ABI3BP: variants seen among roughly 807,000 people sequenced by gnomAD.
ABI3BP encodes the protein target of Nesh-SH3.
ABI3BP carries 216 observed loss-of-function variants against 268.6 expected under a neutral mutation model. The observed-to-expected ratio is 0.80, with a 90% CI of 0.72 to 0.90. The LOEUF (loss-of-function observed/expected upper bound fraction) is 0.90. ABI3BP is among the 40% of genes least tolerant of loss of function. The probability of loss-of-function intolerance (pLI) is 0.00; values close to 1 mark genes in which losing one functional copy is unlikely to be tolerated. For synonymous variants in ABI3BP, 730 were observed against 730.0 expected (o/e 1.00, Z 0.00); for missense variants, 2,090 against 2,182.4 (o/e 0.96, Z 0.84).
chr3:100,754,776 A>T (rs976947506), intron 63 of ABI3BP, 85 bp from the exon 64 acceptor site: 1 of 1,060,136 alleles, frequency 9.4e-7, no homozygotes. Flanking sequence ...GACATCCACT[A>T]TACTGACATC....
intron 15 of ABI3BP, among the ~76,000 whole-genome samples, chr3:100,851,251 C>A (rs551135716): frequency 6.6e-6 from 1 of 152,330 alleles, no homozygotes; most frequent in East Asian, 1.9e-4. Context: ...AGGTAACTCA[C>A]TATAGATGGG....
At chr3:100,912,748 T>C (rs988689419) in intron 2 of ABI3BP, among the ~76,000 whole-genome samples, 1 of 152,202 alleles carries the variant, frequency 6.6e-6, no homozygotes, top group African/African-American at 2.4e-5. Context: ...GAGTAACGTA[T>C]ACCTGAAAAA....
intron 2 of ABI3BP, among the ~76,000 whole-genome samples, chr3:100,920,691 G>A (rs2059963324): frequency 6.6e-6 from 1 of 152,122 alleles, no homozygotes; most frequent in East Asian, 1.9e-4. Flanking sequence ...AAAGTGCTGG[G>A]ATTACAGGCA....
At chr3:100,883,921 T>G (rs1046120148) in intron 6 of ABI3BP, among the ~76,000 whole-genome samples, 1 of 152,048 alleles carries the variant, frequency 6.6e-6, no homozygotes, top group African/African-American at 2.4e-5. Flanking sequence ...AATTGGAAAC[T>G]TATAATCATG....
chr3:100,750,519 C>A lies in ABI3BP; in HGVS notation c.5337G>T (p.Gly1779=). ...QINYVQWYEC[G]TTIPGKW is the part of the protein sequence containing the mutation. ...TCTACCATTTTCCAGGAATTGTAGTCCCACATTCATACCACTGAACATAAT... is the reference window on the plus strand; with the variant it reads ...TCTACCATTTTCCAGGAATTGTAGTACCACATTCATACCACTGAACATAAT... The change falls in exon 68 of 68, where the codon GGG becomes GGT. Residue 1779 remains glycine, a synonymous_variant. Transcript: ENST00000471714. 6.2e-7 allele frequency: 1 copy of A among 1,612,644 alleles called. No homozygotes were observed. The highest frequency in any genetic ancestry group is 1.1e-5 in the South Asian group (1 of 90,932).
intron 55 of ABI3BP, among the ~76,000 whole-genome samples, chr3:100,791,309 A>G (rs1393677904): frequency 6.6e-6 from 1 of 151,872 alleles, no homozygotes; most frequent in Non-Finnish European, 1.5e-5. Context: ...CGAGGAAAGA[A>G]CAGGCCTGTG....
chr3:100,778,688 ATTTTT>A, intron 58 of ABI3BP: 1 of 271,438 alleles, frequency 3.7e-6, no homozygotes, highest in Non-Finnish European at 6.8e-6. Context: ...TGGATGGAAA[ATTTTT>A]TTAAAAACCA....
intron 52 of ABI3BP, 142 bp downstream of exon 52, chr3:100,796,267 C>T (rs978446797): frequency 8.0e-6 from 5 of 622,322 alleles, no homozygotes; most frequent in South Asian, 2.8e-5. Flanking sequence ...ATTCAATTTA[C>T]CCACAAGAAA....
intron 56 of ABI3BP, 122 bp from the exon 57 acceptor site, chr3:100,787,924 A>G (rs1360226387): frequency 5.2e-6 from 3 of 571,868 alleles, no homozygotes; most frequent in Middle Eastern, 3.8e-4. Context: ...TACCAAAAAT[A>G]TTATTCAGAA....
intron 21 of ABI3BP, 60 bp downstream of exon 21, chr3:100,841,938 G>T: frequency 1.5e-5 from 18 of 1,218,288 alleles, no homozygotes; most frequent in Non-Finnish European, 2.0e-5. Flanking sequence ...GCTGAACAAA[G>T]TTGAACATGG....
At chr3:100,959,372 C>A (rs2078044988) in intron 1 of ABI3BP, among the ~76,000 whole-genome samples, 1 of 151,056 alleles carries the variant, frequency 6.6e-6, no homozygotes, top group Non-Finnish European at 1.5e-5. Flanking sequence ...CGCCTGTAGT[C>A]CCAGCTACTC....
intron 57 of ABI3BP, among the ~76,000 whole-genome samples, chr3:100,784,115 G>A (rs999636347): frequency 6.6e-6 from 1 of 152,326 alleles, no homozygotes; most frequent in Non-Finnish European, 1.5e-5. Flanking sequence ...TCTAAAATGA[G>A]TGAAATAACA....
intron 27 of ABI3BP, 104 bp downstream of exon 27, chr3:100,837,020 C>T: frequency 8.7e-7 from 1 of 1,155,460 alleles, no homozygotes; most frequent in Non-Finnish European, 1.2e-6. Context: ...AAAATGAAAA[C>T]AAAAATGGTG....
At chr3:100,770,396 T>C (rs894897216) in intron 62 of ABI3BP, among the ~76,000 whole-genome samples, 1 of 152,006 alleles carries the variant, frequency 6.6e-6, no homozygotes, top group Admixed American at 6.5e-5. Context: ...AGAAATGGGG[T>C]TGGTGAAAGG....
chr3:100,865,017 C>G, intron 10 of ABI3BP, 110 bp from the exon 11 acceptor site: 1 of 824,300 alleles, frequency 1.2e-6, no homozygotes, highest in Non-Finnish European at 2.0e-6. Flanking sequence ...TTGTATAGCC[C>G]ATTTCTTTTT....
chr3:100,906,950 G>T (rs1373004298), intron 2 of ABI3BP, among the ~76,000 whole-genome samples: 1 of 152,206 alleles, frequency 6.6e-6, no homozygotes, highest in African/African-American at 2.4e-5. Context: ...GTCCACAAAA[G>T]AAGCATGAAA....
intron 14 of ABI3BP, among the ~76,000 whole-genome samples, chr3:100,861,843 C>A (rs1437817159): frequency 1.3e-5 from 2 of 152,172 alleles, no homozygotes; most frequent in East Asian, 3.8e-4. Context: ...GTGGTCTCTC[C>A]TACATATCAT....
chr3:100,928,238 T>G (rs1281436975), intron 1 of ABI3BP, among the ~76,000 whole-genome samples: 2 of 152,090 alleles, frequency 1.3e-5, no homozygotes, highest in African/African-American at 4.8e-5. Context: ...CTGGATTATG[T>G]TTTTTCTTTA....
At chr3:100,950,378 T>G (rs1054058531) in intron 1 of ABI3BP, among the ~76,000 whole-genome samples, 2 of 152,188 alleles carry the variant, frequency 1.3e-5, no homozygotes, top group Non-Finnish European at 2.9e-5. Context: ...GGATGTAGAC[T>G]TGTAAGTTAT....
Sources: allele counts gnomAD v4.1 joint callset (sites outside exome capture counted in the v4.1 genomes callset), GRCh38; gene constraint gnomAD v4.1.1; transcripts MANE v1.5; gene names NCBI Gene and HGNC (gene_info 2026-07-23, HGNC 2026-07-21).